The following COPS4 variants were observed in gnomAD, a reference collection of about 807,000 sequenced individuals.
COPS4 encodes the protein COP9 signalosome subunit 4, also known as COP9 signalosome complex subunit 4.
A neutral mutation model predicts 55.1 loss-of-function variants in COPS4; 8 were observed. The observed-to-expected ratio is 0.15, with a 90% CI of 0.09 to 0.26. The LOEUF (loss-of-function observed/expected upper bound fraction) is 0.26. COPS4 is among the 10% of genes least tolerant of loss of function. COPS4 has a pLI of 1.00. For missense variants in COPS4, 248 were observed against 484.0 expected (o/e 0.51, Z 4.58); for synonymous variants, 185 against 165.7 (o/e 1.12, Z -0.90).
intron 1 of COPS4, among the ~76,000 whole-genome samples, chr4:83,043,398 A>G (rs1423406401): frequency 6.6e-6 from 1 of 151,798 alleles, no homozygotes; most frequent in Admixed American, 6.6e-5. Context: ...ACATGCCTGT[A>G]GTCCTAGCTA....
At chr4:83,046,226 A>G (rs1344916108) in intron 2 of COPS4, among the ~76,000 whole-genome samples, 2 of 152,150 alleles carry the variant, frequency 1.3e-5, no homozygotes, top group African/African-American at 4.8e-5. Flanking sequence ...ATGCAAATCA[A>G]TGTGGGATGC....
chr4:83,074,283 G>C (rs572275772), intron 9 of COPS4, among the ~76,000 whole-genome samples: 1 of 152,176 alleles, frequency 6.6e-6, no homozygotes, highest in South Asian at 2.1e-4. Context: ...TGTTGGGTTA[G>C]TCGGTTTTAT....
intron 9 of COPS4, among the ~76,000 whole-genome samples, chr4:83,072,495 T>G (rs771958582): frequency 2.0e-5 from 3 of 152,258 alleles, no homozygotes; most frequent in African/African-American, 4.8e-5. Context: ...TGTTTTATTT[T>G]ATGGCTTTTG....
chr4:83,052,811 T>A (rs1466716240), intron 4 of COPS4, among the ~76,000 whole-genome samples: 2 of 152,266 alleles, frequency 1.3e-5, no homozygotes, highest in Non-Finnish European at 2.9e-5. Flanking sequence ...GGTCTCAAAC[T>A]CCAGGGCTCA....
intron 8 of COPS4, 121 bp downstream of exon 8, chr4:83,066,674 AAAC>A: frequency 1.7e-6 from 1 of 582,596 alleles, no homozygotes; most frequent in Non-Finnish European, 3.0e-6. Flanking sequence ...TAAATGTTGG[AAAC>A]AACAACAGAA....
In COPS4 at chr4:83,056,938, A is replaced by T. The variant is rs770719550; in HGVS notation, c.423A>T (p.Val141=). 12 of 1,612,414 alleles carry T rather than the reference A, an allele frequency of 7.4e-6. No individual in the cohort carries two copies. In the Admixed American group the frequency reaches 2.0e-4, roughly 27 times the overall value. ...PLETGQKQYN[V]DYKLETYLKI... ...TGTTACATCCTAGACAGTACAATGT[A>T]GATTATAAACTGGAGACTTACTTGA... The change falls in exon 5 of 10, where the codon GTA becomes GTT. Residue 141 remains valine (V), a synonymous_variant. Coordinates refer to ENST00000264389, the MANE Select transcript of COPS4 (RefSeq NM_016129.3).
At chr4:83,058,888 TTGCCC>T (rs1328541417) in intron 6 of COPS4, among the ~76,000 whole-genome samples, 1 of 152,220 alleles carries the variant, frequency 6.6e-6, no homozygotes, top group African/African-American at 2.4e-5. Flanking sequence ...ACGTTCCACA[TTGCCC>T]TATACTATTA....
At position 83,035,550 on chromosome 4, in the gene COPS4, C is replaced by T. The variant is rs899228447; in HGVS notation, c.74+252C>T. On this transcript the variant is annotated intron_variant, in intron 1 of 9. Coordinates refer to ENST00000264389, the MANE Select transcript of COPS4 (RefSeq NM_016129.3). The stretch of plus-strand genomic sequence containing the variant: ...TTGTTCAGTTCTTGATAGAATCTTT[C>T]TGGTCCCTTAGGATTTTGGAACAGC... 4 of 332,386 alleles carry T rather than the reference C, an allele frequency of 1.2e-5. No individual in the cohort carries two copies. The East Asian group carries it at 1.9e-4, about 16-fold the overall frequency. 20.6% of individuals were successfully genotyped at this position (332,386 alleles called of 1,614,324 possible). A position where few individuals can be genotyped will look rare whatever the true frequency, so the allele number is the denominator to read the frequency against.
intron 2 of COPS4, among the ~76,000 whole-genome samples, chr4:83,047,654 C>T (rs1040766713): frequency 3.9e-5 from 6 of 152,316 alleles, no homozygotes; most frequent in African/African-American, 1.4e-4. Context: ...AAATCATTTA[C>T]ATCAACTGAA....
At chr4:83,063,867 G>A (rs2126133445) in intron 7 of COPS4, among the ~76,000 whole-genome samples, 1 of 151,784 alleles carries the variant, frequency 6.6e-6, no homozygotes, top group African/African-American at 2.4e-5. Flanking sequence ...GCGCCACCAC[G>A]CCCGGCTAAT....
At chr4:83,039,666 C>T (rs1215505836) in intron 1 of COPS4, among the ~76,000 whole-genome samples, 1 of 152,150 alleles carries the variant, frequency 6.6e-6, no homozygotes, top group Non-Finnish European at 1.5e-5. Context: ...GGGTCTTGCT[C>T]TGTTGCCCTG....
chr4:83,053,106 A>C (rs1272522239), intron 4 of COPS4, among the ~76,000 whole-genome samples: 1 of 152,204 alleles, frequency 6.6e-6, no homozygotes, highest in Admixed American at 6.5e-5. Flanking sequence ...CAGTGGCTTC[A>C]TGCTTGTAGT....
intron 1 of COPS4, 153 bp downstream of exon 1, chr4:83,035,451 T>C (rs1730393888): frequency 2.0e-6 from 1 of 504,282 alleles, no homozygotes; most frequent in Non-Finnish European, 3.6e-6. Flanking sequence ...GAGGCAAATG[T>C]TGGGAGAAGC....
chr4:83,069,851 C>T (rs1731377087), intron 9 of COPS4, among the ~76,000 whole-genome samples: 1 of 152,100 alleles, frequency 6.6e-6, no homozygotes, highest in Non-Finnish European at 1.5e-5. Flanking sequence ...GGGCTTTGGA[C>T]CTTTTCTCTG....
intron 1 of COPS4, among the ~76,000 whole-genome samples, chr4:83,040,640 A>G (rs1730539718): frequency 6.6e-6 from 1 of 152,152 alleles, no homozygotes; most frequent in Non-Finnish European, 1.5e-5. Flanking sequence ...ATCTTTCCAC[A>G]GTCAGCAAAT....
At chr4:83,052,395 C>T (rs987231264) in intron 4 of COPS4, among the ~76,000 whole-genome samples, 1 of 152,110 alleles carries the variant, frequency 6.6e-6, no homozygotes, top group Non-Finnish European at 1.5e-5. Context: ...AGATTCTCAG[C>T]CTCAGCACTA....
intron 4 of COPS4, among the ~76,000 whole-genome samples, chr4:83,053,241 A>G (rs1031808503): frequency 6.6e-6 from 1 of 152,192 alleles, no homozygotes; most frequent in Non-Finnish European, 1.5e-5. Flanking sequence ...GCTTTTTCCC[A>G]TCACATTTCA....
rs1433775434 is a variant in COPS4 at position 83,075,474 on chromosome 4, G to T, written c.*44G>T. The stretch of plus-strand genomic sequence containing the variant: ...TGCACATGACATCTTTTTCCATGTT[G>T]TGCAGATCAGTTTCACTATCTCCAA... On this transcript the variant is annotated 3_prime_UTR_variant, in exon 10 of 10. Coordinates refer to ENST00000264389, the MANE Select transcript of COPS4 (RefSeq NM_016129.3). 1 of 1,608,918 alleles carries T rather than the reference G, an allele frequency of 6.2e-7. No homozygotes were observed. The highest frequency in any genetic ancestry group is 1.3e-5 in the African/African-American group (1 of 74,778).
intron 1 of COPS4, among the ~76,000 whole-genome samples, chr4:83,044,948 G>A (rs1429772035): frequency 3.3e-5 from 5 of 152,212 alleles, no homozygotes; most frequent in Admixed American, 1.3e-4. Flanking sequence ...TCCTGTCCTC[G>A]TGGAGCTTGT....
Sources: allele counts gnomAD v4.1 joint callset (sites outside exome capture counted in the v4.1 genomes callset), GRCh38; gene constraint gnomAD v4.1.1; transcripts MANE v1.5; gene names NCBI Gene and HGNC (gene_info 2026-07-23, HGNC 2026-07-21).